Variants in GRIP1 observed in about 807,000 individuals in gnomAD.
GRIP1 encodes glutamate receptor-interacting protein 1.
A neutral mutation model predicts 129.9 loss-of-function variants in GRIP1; 45 were observed. That is an observed-to-expected ratio of 0.35 (90% CI 0.27 to 0.44). The LOEUF is 0.44. Among genes scored for constraint, GRIP1 ranks in the 20% least tolerant of loss-of-function variants. GRIP1 has a pLI of 1.00. For missense variants in GRIP1, 1,196 were observed against 1,396.8 expected (o/e 0.86, Z 2.29); for synonymous variants, 530 against 520.8 (o/e 1.02, Z -0.24).
At chr12:66,978,714 A>G (rs934265792) in intron 1 of GRIP1, among the ~76,000 whole-genome samples, 1 of 152,250 alleles carries the variant, frequency 6.6e-6, no homozygotes, top group African/African-American at 2.4e-5. Flanking sequence ...TAAGACAAAA[A>G]GTAGATAAAA....
chr12:66,525,633 C>A (rs2061204020), intron 5 of GRIP1, among the ~76,000 whole-genome samples: 1 of 151,548 alleles, frequency 6.6e-6, no homozygotes, highest in South Asian at 2.1e-4. Flanking sequence ...GACAGGGATG[C>A]CCTCTCTCAC....
In GRIP1 at chr12:66,973,407, G is replaced by C. The variant is rs1313463536; in HGVS notation, c.58+95643C>G. ...TTTTTTTTTTTTTTTGAAGGAAAAT[G>C]TACTTCAAAACCCCTCTTTCAGCCT... On this transcript the variant is annotated intron_variant, in intron 1 of 1. Coordinates refer to the GRIP1 transcript ENST00000643019. 5.9e-5 allele frequency among the ~76,000 whole-genome samples: 7 copies of C among 118,250 alleles called. 1 individual carries two copies. In the South Asian group the frequency reaches 1.7e-3, roughly 28 times the overall value. 77.6% of individuals were successfully genotyped at this position (118,250 alleles called of 152,430 possible). A position where few individuals can be genotyped will look rare whatever the true frequency, so the allele number is the denominator to read the frequency against.
chr12:66,752,346 A>G (rs941705705), intron 1 of GRIP1, among the ~76,000 whole-genome samples: 1 of 152,160 alleles, frequency 6.6e-6, no homozygotes, highest in Non-Finnish European at 1.5e-5. Flanking sequence ...CTAAATTCAC[A>G]TGTATATTTA....
intron 1 of GRIP1, among the ~76,000 whole-genome samples, chr12:66,811,289 C>T (rs1346374638): frequency 6.6e-6 from 1 of 152,076 alleles, no homozygotes; most frequent in South Asian, 2.1e-4. Context: ...ATGTAAAATG[C>T]TAAGTGTGCC....
At chr12:66,522,124 G>C (rs1028003552) in intron 5 of GRIP1, among the ~76,000 whole-genome samples, 2 of 152,216 alleles carry the variant, frequency 1.3e-5, no homozygotes, top group Non-Finnish European at 2.9e-5. Context: ...AGACTTAAAT[G>C]TCCCTGTCTG....
chr12:66,899,983 T>C (rs1323431074), intron 1 of GRIP1, among the ~76,000 whole-genome samples: 1 of 152,060 alleles, frequency 6.6e-6, no homozygotes, highest in African/African-American at 2.4e-5. Context: ...GTGAATACAT[T>C]CTCCATTCTT....
At chr12:66,495,336 A>G (rs1260198935) in intron 7 of GRIP1, among the ~76,000 whole-genome samples, 2 of 152,230 alleles carry the variant, frequency 1.3e-5, no homozygotes, top group Non-Finnish European at 2.9e-5. Flanking sequence ...AGGGAGCCAG[A>G]CAGCTTTCTA....
chr12:66,719,995 GCC>G (rs2036011454), intron 1 of GRIP1, among the ~76,000 whole-genome samples: 1 of 152,084 alleles, frequency 6.6e-6, no homozygotes, highest in Non-Finnish European at 1.5e-5. Context: ...AAATTATTTT[GCC>G]TATTCTCACA....
intron 7 of GRIP1, among the ~76,000 whole-genome samples, chr12:66,488,770 A>G: frequency 6.6e-6 from 1 of 152,178 alleles, no homozygotes; most frequent in East Asian, 1.9e-4. Flanking sequence ...AAACACAATC[A>G]GAAATGATAA....
At chr12:66,875,371 T>C (rs1336076963) in intron 1 of GRIP1, among the ~76,000 whole-genome samples, 1 of 152,050 alleles carries the variant, frequency 6.6e-6, no homozygotes, top group Non-Finnish European at 1.5e-5. Flanking sequence ...TATTAAACAA[T>C]TGGATGTTCT....
chr12:66,981,690 T>C (rs2042244273), intron 1 of GRIP1, among the ~76,000 whole-genome samples: 1 of 152,150 alleles, frequency 6.6e-6, no homozygotes, highest in South Asian at 2.1e-4. Flanking sequence ...AGATAAAGCC[T>C]CTACTTAAAA....
chr12:66,923,126 G>A (rs1474249063), intron 1 of GRIP1, among the ~76,000 whole-genome samples: 1 of 152,168 alleles, frequency 6.6e-6, no homozygotes, highest in Non-Finnish European at 1.5e-5. Flanking sequence ...GGGTTTACAA[G>A]CAGCTGAACC....
chr12:66,670,530 C>A (rs2034028659), intron 1 of GRIP1, among the ~76,000 whole-genome samples: 1 of 152,150 alleles, frequency 6.6e-6, no homozygotes, highest in Admixed American at 6.5e-5. Flanking sequence ...GGAATGAGAG[C>A]AACTCAGGAG....
chr12:66,531,122 C>A (rs945102581), intron 4 of GRIP1, among the ~76,000 whole-genome samples: 4 of 151,212 alleles, frequency 2.6e-5, no homozygotes, highest in Admixed American at 2.0e-4. Flanking sequence ...GTAATCCCAG[C>A]TACTTTGGAG....
intron 1 of GRIP1, among the ~76,000 whole-genome samples, chr12:66,730,512 A>T (rs1242867182): frequency 6.6e-6 from 1 of 152,146 alleles, no homozygotes. Context: ...CTGAGTTTAC[A>T]AGAATTATAA....
chr12:66,458,640 C>T (rs1426203985), intron 9 of GRIP1, among the ~76,000 whole-genome samples: 3 of 152,224 alleles, frequency 2.0e-5, no homozygotes, highest in African/African-American at 7.2e-5. Flanking sequence ...CTGCCTCGGC[C>T]TCCCAAAGTG....
At chr12:66,862,784 T>A (rs1269971204) in intron 1 of GRIP1, among the ~76,000 whole-genome samples, 1 of 152,106 alleles carries the variant, frequency 6.6e-6, no homozygotes, top group African/African-American at 2.4e-5. Flanking sequence ...CCTGCTGTAC[T>A]GGCAGAGAGA....
At chr12:66,988,568 C>T (rs2042348841) in intron 1 of GRIP1, among the ~76,000 whole-genome samples, 4 of 152,116 alleles carry the variant, frequency 2.6e-5, no homozygotes, top group Admixed American at 1.3e-4. Context: ...TTTGTAGAGA[C>T]GGGGTTTCCC....
At chr12:66,394,041 C>T (rs1160507746) in intron 17 of GRIP1, among the ~76,000 whole-genome samples, 167 bp downstream of exon 17, 1 of 152,158 alleles carries the variant, frequency 6.6e-6, no homozygotes, top group African/African-American at 2.4e-5. Context: ...CCCTCAGAGT[C>T]AAGTCGGAAC....
Sources: allele counts gnomAD v4.1 joint callset (sites outside exome capture counted in the v4.1 genomes callset), GRCh38; gene constraint gnomAD v4.1.1; transcripts MANE v1.5; gene names NCBI Gene and HGNC (gene_info 2026-07-23, HGNC 2026-07-21).